The following AFF3 variants were observed in gnomAD, a reference collection of about 807,000 sequenced individuals.
The protein encoded by AFF3 is AF4/FMR2 family member 3.
A neutral mutation model predicts 129.7 loss-of-function variants in AFF3; 32 were observed. The ratio of observed to expected loss-of-function variants is 0.25; its 90% CI spans 0.19 to 0.33. The LOEUF (loss-of-function observed/expected upper bound fraction) is 0.33, where lower values mean the gene tolerates loss of function less well. Among genes scored for constraint, AFF3 ranks in the 10% least tolerant of loss-of-function variants. The probability of loss-of-function intolerance (pLI) is 1.00; values close to 1 mark genes in which losing one functional copy is unlikely to be tolerated. For synonymous variants in AFF3, 644 were observed against 635.4 expected, an observed-to-expected ratio of 1.01 and a Z score of -0.20; for missense variants, 1,373 against 1,592.0, an observed-to-expected ratio of 0.86 and a Z score of 2.34.
At chr2:99,698,830 T>C (rs902308965) in intron 11 of AFF3, among the ~76,000 whole-genome samples, 6 of 152,206 alleles carry the variant, frequency 3.9e-5, no homozygotes, top group Non-Finnish European at 8.8e-5. Flanking sequence ...GAAACATAAA[T>C]ATAACCAAAA....
chr2:100,053,973 C>A (rs558271423), intron 4 of AFF3, among the ~76,000 whole-genome samples: 1 of 152,288 alleles, frequency 6.6e-6, no homozygotes, highest in African/African-American at 2.4e-5. Flanking sequence ...AAGCACCACA[C>A]CCCCAATGGC....
chr2:99,948,226 A>G (rs1675821921), intron 7 of AFF3, among the ~76,000 whole-genome samples: 1 of 152,076 alleles, frequency 6.6e-6, no homozygotes, highest in Non-Finnish European at 1.5e-5. Context: ...GGTTCACTGC[A>G]TGTCATGACT....
chr2:99,830,191 T>C (rs1042712331), intron 8 of AFF3, among the ~76,000 whole-genome samples: 2 of 151,998 alleles, frequency 1.3e-5, no homozygotes, highest in South Asian at 4.2e-4. Flanking sequence ...AAAACCTAGA[T>C]GACCAGTTGA....
intron 7 of AFF3, among the ~76,000 whole-genome samples, chr2:99,984,890 A>G (rs145931248): frequency 6.6e-6 from 1 of 151,898 alleles, no homozygotes; most frequent in Non-Finnish European, 1.5e-5. Context: ...GTCCATTTGC[A>G]CTGGCTCTCA....
chr2:100,110,854 A>G (rs142752971), intron 2 of AFF3, among the ~76,000 whole-genome samples: 1,598 of 152,228 alleles, frequency 0.01, 29 homozygotes, highest in African/African-American at 0.037. Context: ...ACATAACTGT[A>G]TTTTCTAGTC....
intron 10 of AFF3, among the ~76,000 whole-genome samples, chr2:99,739,549 T>G (rs1680538801): frequency 6.6e-6 from 1 of 151,956 alleles, no homozygotes; most frequent in South Asian, 2.1e-4. Flanking sequence ...TTCAAGTATC[T>G]CAATGCTTAA....
At position 99,611,172 on chromosome 2, in the gene AFF3, A is replaced by G. The variant is rs1191466473; in HGVS notation, c.1185-9551T>C. ...GCCTTTTCCTTGTATTTTCTGTATT[A>G]TTGTGGTGAGACCCCCCCTACTTTT... On this transcript the variant is annotated intron_variant, in intron 13 of 24. Coordinates refer to ENST00000672756, the MANE Select transcript of AFF3 (RefSeq NM_001386135.1). Among the ~76,000 whole-genome samples the G allele has an allele frequency of 3.9e-5, 6 of 151,922 alleles. No individual in the cohort carries two copies. In the South Asian group the frequency reaches 1.0e-3, roughly 26 times the overall value.
intron 7 of AFF3, among the ~76,000 whole-genome samples, chr2:99,930,836 G>T (rs1558985298): frequency 6.6e-6 from 1 of 150,580 alleles, no homozygotes; most frequent in African/African-American, 2.5e-5. Flanking sequence ...CCAATTCATG[G>T]TTTTCAAGGA....
Position 100,068,804 on chromosome 2 carries a change from C to T in AFF3, c.53+35598G>A, listed in dbSNP as rs2105286438. 2.0e-5 allele frequency among the ~76,000 whole-genome samples: 3 copies of T among 152,252 alleles called. 1 individual carries two copies. The South Asian group carries it at 6.2e-4, about 32-fold the overall frequency. ...GATGGACAAGATAAACGCTAGGACT[C>T]TTTCAACTGTTAGGATTTGAGGGTG... On this transcript the variant is annotated intron_variant, in intron 4 of 24. Coordinates refer to ENST00000672756, the MANE Select transcript of AFF3 (RefSeq NM_001386135.1).
intron 15 of AFF3, among the ~76,000 whole-genome samples, chr2:99,589,201 C>T (rs1678412208): frequency 6.6e-6 from 1 of 152,064 alleles, no homozygotes; most frequent in African/African-American, 2.4e-5. Flanking sequence ...CACACTCATT[C>T]CCAGATGATT....
chr2:99,918,273 G>C (rs1031782745), intron 7 of AFF3, among the ~76,000 whole-genome samples: 1 of 152,160 alleles, frequency 6.6e-6, no homozygotes, highest in African/African-American at 2.4e-5. Flanking sequence ...TTGCTTTAGA[G>C]ACAATAAGGA....
intron 12 of AFF3, among the ~76,000 whole-genome samples, chr2:99,657,502 A>G (rs1685854858): frequency 6.6e-6 from 1 of 152,208 alleles, no homozygotes; most frequent in Admixed American, 6.5e-5. Flanking sequence ...TCCACCTAAA[A>G]GAGCTCTCTC....
intron 7 of AFF3, among the ~76,000 whole-genome samples, chr2:99,963,020 G>A (rs970718993): frequency 4.0e-5 from 6 of 151,496 alleles, no homozygotes; most frequent in Non-Finnish European, 5.9e-5. Flanking sequence ...ACCTCAAGAC[G>A]AAGAAAAAAC....
intron 11 of AFF3, among the ~76,000 whole-genome samples, chr2:99,717,593 A>C (rs999072311): frequency 6.6e-6 from 1 of 152,190 alleles, no homozygotes; most frequent in African/African-American, 2.4e-5. Context: ...GAATTGTCAG[A>C]ATATCTTATA....
chr2:99,869,956 G>C (rs1342235988), intron 7 of AFF3, among the ~76,000 whole-genome samples: 1 of 152,176 alleles, frequency 6.6e-6, no homozygotes, highest in African/African-American at 2.4e-5. Context: ...AGACACAAAG[G>C]ACCTAGCAGA....
At chr2:100,074,394 C>A (rs1688433283) in intron 4 of AFF3, among the ~76,000 whole-genome samples, 1 of 152,146 alleles carries the variant, frequency 6.6e-6, no homozygotes, top group Non-Finnish European at 1.5e-5. Context: ...CATGTCCAAC[C>A]CTGACCTCTC....
intron 13 of AFF3, among the ~76,000 whole-genome samples, chr2:99,612,612 TG>T (rs1197982484): frequency 6.6e-6 from 1 of 152,240 alleles, no homozygotes; most frequent in Non-Finnish European, 1.5e-5. Context: ...TCCAGTTAGC[TG>T]GGGACAGAGA....
At chr2:99,579,969 T>TG (rs1677372747) in intron 17 of AFF3, among the ~76,000 whole-genome samples, 2 of 151,950 alleles carry the variant, frequency 1.3e-5, no homozygotes, top group Middle Eastern at 6.3e-3. Context: ...ACTGTAAGGG[T>TG]TAGAGTCTAC....
chr2:99,826,616 C>T lies in AFF3; in HGVS notation c.921+10861G>A, dbSNP rs139677808. On this transcript the variant is annotated intron_variant, in intron 8 of 24. Transcript: ENST00000672756. ...CCGGGGTGGGGAAGAGCATGAGTTG[C>T]GCCCAGAGGTGATGGTGAGAGCAGT... Among the ~76,000 whole-genome samples the T allele has an allele frequency of 4.5e-4, 68 of 152,086 alleles. 2 individuals are homozygous for T. In the South Asian group the frequency reaches 5.6e-3, roughly 13 times the overall value.
Sources: allele counts gnomAD v4.1 joint callset (sites outside exome capture counted in the v4.1 genomes callset), GRCh38; gene constraint gnomAD v4.1.1; transcripts MANE v1.5; gene names NCBI Gene and HGNC (gene_info 2026-07-23, HGNC 2026-07-21).